The following RBM28 variants were observed in gnomAD, a reference collection of about 807,000 sequenced individuals.
RBM28 encodes RNA-binding protein 28.
In RBM28, 78 loss-of-function variants were observed where a neutral mutation model predicts 98.3. The observed-to-expected ratio is 0.79, with a 90% CI of 0.66 to 0.96. The LOEUF (loss-of-function observed/expected upper bound fraction) is 0.96, where lower values mean the gene tolerates loss of function less well. Among genes scored for constraint, RBM28 ranks in the 40% least tolerant of loss-of-function variants. RBM28 has a pLI of 0.00. For synonymous variants in RBM28, 306 were observed against 330.9 expected (o/e 0.92, Z 0.82); for missense variants, 838 against 913.0 (o/e 0.92, Z 1.06).
At chr7:128,323,396 C>A (rs1796278164) in intron 13 of RBM28, 131 bp downstream of exon 13, 2 of 1,047,082 alleles carry the variant, frequency 1.9e-6, no homozygotes, top group Non-Finnish European at 3.0e-6. Flanking sequence ...GTGCTTTTCT[C>A]CCTAACAGGG....
intron 5 of RBM28, 98 bp downstream of exon 5, chr7:128,338,152 T>G: frequency 1.1e-6 from 1 of 876,462 alleles, no homozygotes; most frequent in Non-Finnish European, 1.9e-6. Context: ...CTCTTAATAA[T>G]GCAAACATCT....
intron 1 of RBM28, among the ~76,000 whole-genome samples, chr7:128,340,662 G>A (rs1415890002): frequency 6.6e-6 from 1 of 152,222 alleles, no homozygotes; most frequent in Non-Finnish European, 1.5e-5. Flanking sequence ...ATAAATGCCT[G>A]AGGCCCAGAC....
At chr7:128,325,933 C>A in intron 10 of RBM28, 42 bp from the exon 11 acceptor site, 1 of 1,488,238 alleles carries the variant, frequency 6.7e-7, no homozygotes, top group Non-Finnish European at 9.4e-7. Flanking sequence ...CAAACTCCCA[C>A]AGATAAACCA....
rs1795749828 is a variant in RBM28, at chr7:128,299,244, C to T, written c.*11553G>A. The T allele has an allele frequency of 6.6e-6, 1 of 152,214 alleles. No individual in the cohort carries two copies. The highest frequency in any genetic ancestry group is 1.5e-5 in the Non-Finnish European group (1 of 68,092). The allele number at this position is 152,214 out of a possible 1,614,324, so 9.4% of individuals were successfully genotyped here. Reference sequence around the variant, plus strand: ...TGTAGTTTCCAGCAGAAAGGCAAGGCAAGGCAGGGAAGCAGGCTTAGGATT... The same window carrying T: ...TGTAGTTTCCAGCAGAAAGGCAAGGTAAGGCAGGGAAGCAGGCTTAGGATT... On this transcript the variant is annotated 3_prime_UTR_variant, in exon 19 of 19. Coordinates refer to ENST00000223073, the MANE Select transcript of RBM28 (RefSeq NM_018077.3).
At chr7:128,321,478 C>T (rs1796232989) in intron 13 of RBM28, 54 bp from the exon 14 acceptor site, 4 of 1,598,744 alleles carry the variant, frequency 2.5e-6, no homozygotes, top group Non-Finnish European at 3.4e-6. Context: ...AAGAGGTAGG[C>T]TCATAATTCT....
intron 11 of RBM28, among the ~76,000 whole-genome samples, chr7:128,325,392 G>A (rs1184749644): frequency 6.6e-6 from 1 of 152,176 alleles, no homozygotes; most frequent in Non-Finnish European, 1.5e-5. Context: ...AGAAATAACA[G>A]CAATATTAGA....
intron 10 of RBM28, among the ~76,000 whole-genome samples, chr7:128,326,788 C>T (rs931879646): frequency 6.6e-6 from 1 of 152,140 alleles, no homozygotes; most frequent in Non-Finnish European, 1.5e-5. Context: ...TTATTACTTC[C>T]TTCATCTGTT....
chr7:128,313,021 T>G, intron 18 of RBM28, 154 bp downstream of exon 18: 1 of 766,074 alleles, frequency 1.3e-6, no homozygotes, highest in South Asian at 1.6e-5. Context: ...TCTCTCCACT[T>G]TTAAGATTGT....
chr7:128,343,645 C>T, intron 1 of RBM28, 31 bp downstream of exon 1: 1 of 1,561,132 alleles, frequency 6.4e-7, no homozygotes, highest in Non-Finnish European at 8.8e-7. Flanking sequence ...GCAGGAAACC[C>T]CAGCCCTATC....
chr7:128,338,704 C>T, intron 4 of RBM28, 22 bp downstream of exon 4: 1 of 1,519,570 alleles, frequency 6.6e-7, no homozygotes. Context: ...GTAATCCACA[C>T]CAAGTGAAGG....
chr7:128,334,913 T>C (rs982617230), intron 8 of RBM28, among the ~76,000 whole-genome samples: 2 of 152,012 alleles, frequency 1.3e-5, no homozygotes, highest in Non-Finnish European at 2.9e-5. Flanking sequence ...GTTCTCTCTC[T>C]CCCCTCGTCA....
rs774812226 is a variant in RBM28 at position 128,333,357 on chromosome 7, G to C, written c.952C>G (p.Gln318Glu). Residue 318 changes from glutamine to glutamate, a missense_variant, in exon 9 of 19, where the codon CAA (glutamine) becomes GAA (glutamate). Gln to Glu is a conservative substitution (Grantham distance 29). Coordinates refer to ENST00000223073, the MANE Select transcript of RBM28 (RefSeq NM_018077.3). The part of the protein sequence containing the change: ...STEEQEDKAV[Q>E]VSNKKKRKLP... Reference sequence around the variant, plus strand: ...TTCCTCTTCTTTTTGTTTGAGACTTGCACAGCTAAGGTAAAAAGAAAAACA... The same window carrying C: ...TTCCTCTTCTTTTTGTTTGAGACTTCCACAGCTAAGGTAAAAAGAAAAACA... The C allele has an allele frequency of 6.3e-7, 1 of 1,594,726 alleles. No individual in the cohort carries two copies. Among genetic ancestry groups the C allele is most frequent in the Non-Finnish European group, 8.6e-7 (1 of 1,162,528 alleles).
rs781569084 is a variant in RBM28, at chr7:128,330,894, C to T, written c.1054G>A (p.Gly352Arg). ...TCTCCAAACTGTTGGAGAAGCTCCC[C>T]AAGTTCTTCTTCTTCTGAGTCAAAG... ...LSFDSEEEEL[G>R]ELLQQFGELK... The change falls in exon 10 of 19, where the codon GGG becomes AGG. Residue 352 changes from glycine to arginine, a missense_variant. Gly to Arg is a moderately radical substitution (Grantham distance 125). Coordinates refer to ENST00000223073, the MANE Select transcript of RBM28 (RefSeq NM_018077.3). The T allele has an allele frequency of 6.2e-7, 1 of 1,614,022 alleles. No individual in the cohort carries two copies. Among genetic ancestry groups the T allele is most frequent in the Admixed American group, 1.7e-5 (1 of 60,030 alleles).
intron 5 of RBM28, among the ~76,000 whole-genome samples, chr7:128,337,485 T>C (rs1356429170): frequency 2.0e-5 from 3 of 149,862 alleles, no homozygotes; most frequent in African/African-American, 7.5e-5. Context: ...CCAGTTAGAC[T>C]ATCAGGAATC....
chr7:128,337,267 C>T, intron 5 of RBM28, 65 bp from the exon 6 acceptor site: 1 of 1,482,216 alleles, frequency 6.7e-7, no homozygotes. Flanking sequence ...TGTAAATGAC[C>T]CCTAGTCATC....
intron 1 of RBM28, among the ~76,000 whole-genome samples, chr7:128,341,483 T>C (rs1274260321): frequency 2.0e-5 from 3 of 152,248 alleles, no homozygotes; most frequent in Non-Finnish European, 4.4e-5. Flanking sequence ...ATTATTCCCA[T>C]CTTAAAGAGG....
At chr7:128,323,440 T>C (rs895868637) in intron 13 of RBM28, 87 bp downstream of exon 13, 4 of 1,505,270 alleles carry the variant, frequency 2.7e-6, no homozygotes, top group African/African-American at 2.7e-5. Context: ...ACTGGGCTCT[T>C]TGATGAGCAC....
chr7:128,327,373 T>C (rs1796376932), intron 10 of RBM28, among the ~76,000 whole-genome samples: 2 of 152,300 alleles, frequency 1.3e-5, no homozygotes, highest in South Asian at 4.1e-4. Flanking sequence ...TATATGAATA[T>C]AGCAGGGAAC....
chr7:128,300,624 C>G lies in RBM28; in HGVS notation c.*10173G>C, dbSNP rs1324148870. ...GCCCACTAAACGCTTTCTACGATGCCTGGAAACAACTGTTATCAATACTGT... is the reference window on the plus strand; with the variant it reads ...GCCCACTAAACGCTTTCTACGATGCGTGGAAACAACTGTTATCAATACTGT... On this transcript the variant is annotated 3_prime_UTR_variant, in exon 19 of 19. Coordinates refer to ENST00000223073, the MANE Select transcript of RBM28 (RefSeq NM_018077.3). The G allele has an allele frequency of 1.3e-5, 2 of 152,232 alleles. No homozygotes were observed. Among genetic ancestry groups the G allele is most frequent in the African/African-American group, 4.8e-5 (2 of 41,452 alleles). 9.4% of individuals were successfully genotyped at this position (152,232 alleles called of 1,614,324 possible). A position where few individuals can be genotyped will look rare whatever the true frequency, so the allele number is the denominator to read the frequency against.
Sources: allele counts gnomAD v4.1 joint callset (sites outside exome capture counted in the v4.1 genomes callset), GRCh38; gene constraint gnomAD v4.1.1; transcripts MANE v1.5; gene names NCBI Gene and HGNC (gene_info 2026-07-23, HGNC 2026-07-21).